MYO9A: variants seen among roughly 807,000 people sequenced by gnomAD.
MYO9A encodes the protein myosin IXA.
MYO9A carries 103 observed loss-of-function variants against 293.3 expected under a neutral mutation model. That is an observed-to-expected ratio of 0.35 (90% CI 0.30 to 0.41). The LOEUF (loss-of-function observed/expected upper bound fraction) is 0.41, where lower values mean the gene tolerates loss of function less well. Among genes scored for constraint, MYO9A ranks in the 10% least tolerant of loss-of-function variants. MYO9A has a pLI of 1.00. For missense variants in MYO9A, 2,685 were observed against 3,033.0 expected, an observed-to-expected ratio of 0.89 and a Z score of 2.69; for synonymous variants, 1,001 against 1,035.7, an observed-to-expected ratio of 0.97 and a Z score of 0.64.
chr15:71,898,245 A>C lies in MYO9A; in HGVS notation c.4258T>G (p.Phe1420Val). 1 of 1,614,140 alleles carries C rather than the reference A, an allele frequency of 6.2e-7. No homozygotes were observed. The highest frequency in any genetic ancestry group is 1.1e-5 in the South Asian group (1 of 91,076). Residue 1420 changes from phenylalanine to valine, a missense_variant, in exon 25 of 42, where the codon TTT becomes GTT. By Grantham distance (50) the Phe-to-Val change is conservative. Coordinates refer to ENST00000356056, the MANE Select transcript of MYO9A (RefSeq NM_006901.4). ...GGGTCTTGTTGGGGGATATAAAAAA[A>C]AGTAGGTAGACTATTTGAAATGAAG... ...DSFISNSLPT[F>V]FYIPQQDPLK...
chr15:72,000,002 T>G, intron 8 of MYO9A, 62 bp from the exon 9 acceptor site: 1 of 1,371,408 alleles, frequency 7.3e-7, no homozygotes, highest in Non-Finnish European at 1.0e-6. Flanking sequence ...AATTATCTTT[T>G]GAAAAAGCCA....
intron 17 of MYO9A, among the ~76,000 whole-genome samples, chr15:71,934,282 A>T (rs2058564598): frequency 6.6e-6 from 1 of 152,148 alleles, no homozygotes; most frequent in Non-Finnish European, 1.5e-5. Context: ...GGGAAGTTAG[A>T]AAGACCTGGA....
intron 32 of MYO9A, among the ~76,000 whole-genome samples, chr15:71,865,141 A>G (rs866168089): frequency 2.6e-5 from 4 of 152,200 alleles, no homozygotes; most frequent in African/African-American, 9.6e-5. Context: ...CCTTAACTTT[A>G]TAACTGACCT....
chr15:72,114,241 A>C (rs1175117964), intron 1 of MYO9A: 1 of 152,200 alleles, frequency 6.6e-6, no homozygotes, highest in African/African-American at 2.4e-5. Flanking sequence ...AGCCTGACTA[A>C]AAGAGCATTT....
chr15:72,038,443 C>T (rs2078125839), intron 2 of MYO9A, among the ~76,000 whole-genome samples: 1 of 152,182 alleles, frequency 6.6e-6, no homozygotes. Flanking sequence ...AGTTATACAA[C>T]ACAGTGTTAT....
chr15:72,001,624 C>T (rs1307351932), intron 8 of MYO9A, among the ~76,000 whole-genome samples: 1 of 151,004 alleles, frequency 6.6e-6, no homozygotes, highest in Non-Finnish European at 1.5e-5. Context: ...GAGGCATTAT[C>T]CTGCCACCAA....
chr15:71,906,034 A>G (rs1223169351), intron 19 of MYO9A, among the ~76,000 whole-genome samples: 1 of 152,144 alleles, frequency 6.6e-6, no homozygotes, highest in Non-Finnish European at 1.5e-5. Flanking sequence ...GCTGCATTGC[A>G]CAAATTTTGA....
intron 12 of MYO9A, chr15:71,972,155 T>C (rs985426428): frequency 6.6e-6 from 1 of 152,104 alleles, no homozygotes; most frequent in East Asian, 1.9e-4. Context: ...ACAGGGTCAA[T>C]AGTGCCTATG....
chr15:71,994,371 T>C, intron 10 of MYO9A, 98 bp downstream of exon 10: 2 of 646,926 alleles, frequency 3.1e-6, no homozygotes, highest in Non-Finnish European at 5.0e-6. Context: ...TTCTTACTTA[T>C]TACTCTATAT....
intron 39 of MYO9A, among the ~76,000 whole-genome samples, chr15:71,842,736 T>A (rs1187757568): frequency 1.3e-5 from 2 of 151,798 alleles, no homozygotes; most frequent in Non-Finnish European, 2.9e-5. Context: ...GGCGGGCACC[T>A]GTAGTCCCAG....
At chr15:72,034,584 A>G (rs890141982) in intron 2 of MYO9A, among the ~76,000 whole-genome samples, 1 of 152,210 alleles carries the variant, frequency 6.6e-6, no homozygotes, top group African/African-American at 2.4e-5. Context: ...TGCCTAGAAC[A>G]GTTTGTCCAT....
intron 21 of MYO9A, 147 bp from the exon 22 acceptor site, chr15:71,903,210 G>A (rs752579152): frequency 5.6e-5 from 37 of 660,010 alleles, no homozygotes; most frequent in Non-Finnish European, 8.4e-5. Context: ...TATGATAAAA[G>A]GTTAATTCGG....
intron 1 of MYO9A, among the ~76,000 whole-genome samples, chr15:72,062,319 C>CA (rs1460382825): frequency 1.3e-5 from 2 of 152,184 alleles, no homozygotes; most frequent in Non-Finnish European, 2.9e-5. Context: ...CCACAGGCAT[C>CA]AAGACCATCC....
At chr15:71,833,625 G>GAAT (rs1270421443) in intron 39 of MYO9A, among the ~76,000 whole-genome samples, 2 of 152,096 alleles carry the variant, frequency 1.3e-5, no homozygotes, top group Non-Finnish European at 2.9e-5. Flanking sequence ...TCTAACTAGA[G>GAAT]AATACTCATT....
intron 19 of MYO9A, among the ~76,000 whole-genome samples, chr15:71,912,270 T>TC (rs2057877846): frequency 6.6e-6 from 1 of 152,076 alleles, no homozygotes; most frequent in African/African-American, 2.4e-5. Flanking sequence ...TTTTTTTTTT[T>TC]TTCTTGAGAC....
chr15:71,953,068 T>A (rs563575940), intron 14 of MYO9A, among the ~76,000 whole-genome samples: 1 of 152,306 alleles, frequency 6.6e-6, no homozygotes, highest in Admixed American at 6.5e-5. Context: ...ATTTGAAATA[T>A]TTTTCATAAT....
chr15:71,944,188 C>T (rs977260462), intron 15 of MYO9A, among the ~76,000 whole-genome samples: 1 of 152,062 alleles, frequency 6.6e-6, no homozygotes, highest in African/African-American at 2.4e-5. Context: ...CATTTAAAAA[C>T]TGGCCTGTTT....
chr15:72,073,255 C>A (rs2079247236), intron 1 of MYO9A, among the ~76,000 whole-genome samples: 1 of 152,200 alleles, frequency 6.6e-6, no homozygotes, highest in Admixed American at 6.5e-5. Context: ...CAACTTGTAA[C>A]ATTTGCCCCA....
intron 2 of MYO9A, chr15:72,045,188 T>C (rs1375871316): frequency 6.6e-6 from 1 of 152,376 alleles, no homozygotes; most frequent in Non-Finnish European, 1.5e-5. Context: ...TTTCTATAGC[T>C]TCTCAGCCTT....
Sources: allele counts gnomAD v4.1 joint callset (sites outside exome capture counted in the v4.1 genomes callset), GRCh38; gene constraint gnomAD v4.1.1; transcripts MANE v1.5; gene names NCBI Gene and HGNC (gene_info 2026-07-23, HGNC 2026-07-21).